FHIT: variants seen among roughly 807,000 people sequenced by gnomAD.
FHIT encodes bis(5'-adenosyl)-triphosphatase.
In FHIT, 19 loss-of-function variants were observed where a neutral mutation model predicts 17.9. The observed-to-expected ratio is 1.06, with a 90% confidence interval of 0.74 to 1.56. FHIT has a LOEUF of 1.56. Ranked by LOEUF, FHIT falls within the 40% of genes most tolerant of loss-of-function variation. FHIT has a pLI of 0.00. For missense variants in FHIT, 248 were observed against 189.2 expected (o/e 1.31, Z -1.82); for synonymous variants, 81 against 69.7 (o/e 1.16, Z -0.81).
At chr3:61,041,221 A>T (rs1328522147) in intron 3 of FHIT, among the ~76,000 whole-genome samples, 5 of 152,016 alleles carry the variant, frequency 3.3e-5, no homozygotes, top group African/African-American at 4.8e-5. Flanking sequence ...TCTACTAAAA[A>T]TACAAAAATT....
At chr3:60,381,693 A>C (rs1368238656) in intron 5 of FHIT, among the ~76,000 whole-genome samples, 1 of 152,190 alleles carries the variant, frequency 6.6e-6, no homozygotes, top group South Asian at 2.1e-4. Context: ...AGGCTTTCCT[A>C]CTTTAACTTT....
intron 4 of FHIT, among the ~76,000 whole-genome samples, chr3:60,703,645 A>C (rs540295119): frequency 9.3e-4 from 142 of 152,270 alleles, no homozygotes; most frequent in African/African-American, 3.1e-3. Context: ...TTTTGATATA[A>C]CATTTTGCTA....
At chr3:60,204,446 T>TG (rs1195043242) in intron 5 of FHIT, among the ~76,000 whole-genome samples, 12 of 104,076 alleles carry the variant, frequency 1.2e-4, no homozygotes, top group Admixed American at 8.1e-4. Flanking sequence ...ATATTCTGGT[T>TG]TTTTTTTTTT....
chr3:60,228,178 G>A (rs1166202921), intron 5 of FHIT, among the ~76,000 whole-genome samples: 1 of 152,134 alleles, frequency 6.6e-6, no homozygotes, highest in African/African-American at 2.4e-5. Flanking sequence ...ATTATTGGAA[G>A]GAGTATAAAG....
In FHIT at chr3:59,844,363, C is replaced by T. The variant is rs181717700; in HGVS notation, c.348+77983G>A. Reference sequence around the variant, plus strand: ...AAGTGGTGAAAATGGGCATACTTTCCTTGTTCTTGATCATAGAGGCAAATC... The same window carrying T: ...AAGTGGTGAAAATGGGCATACTTTCTTTGTTCTTGATCATAGAGGCAAATC... On this transcript the variant is annotated intron_variant, in intron 8 of 9. Transcript: ENST00000492590. 3.5e-4 allele frequency among the ~76,000 whole-genome samples: 53 copies of T among 152,188 alleles called. No individual in the cohort carries two copies. The East Asian group carries it at 9.3e-3, about 27-fold the overall frequency.
chr3:61,135,443 T>C (rs1054021951), intron 2 of FHIT, among the ~76,000 whole-genome samples: 27 of 152,216 alleles, frequency 1.8e-4, no homozygotes, highest in African/African-American at 4.1e-4. Context: ...CTGTATATAC[T>C]CATTAGTATT....
At chr3:60,023,959 A>G (rs1357998211) in intron 5 of FHIT, among the ~76,000 whole-genome samples, 1 of 151,356 alleles carries the variant, frequency 6.6e-6, no homozygotes, top group Admixed American at 6.6e-5. Flanking sequence ...ACTTACTTAA[A>G]TGTAAACCAT....
intron 3 of FHIT, among the ~76,000 whole-genome samples, chr3:60,870,271 AAAC>A (rs1207835858): frequency 6.6e-6 from 1 of 152,176 alleles, no homozygotes; most frequent in African/African-American, 2.4e-5. Context: ...AGAAAAAAAA[AAAC>A]AGGTCAGCAA....
At chr3:60,516,889 C>A (rs1351617129) in intron 5 of FHIT, among the ~76,000 whole-genome samples, 1 of 152,132 alleles carries the variant, frequency 6.6e-6, no homozygotes, top group Non-Finnish European at 1.5e-5. Flanking sequence ...ATAGGAGCTT[C>A]AGTAAATTGA....
intron 3 of FHIT, among the ~76,000 whole-genome samples, chr3:60,997,623 T>C (rs936123242): frequency 6.6e-6 from 1 of 152,172 alleles, no homozygotes; most frequent in African/African-American, 2.4e-5. Context: ...TTACCTGCTT[T>C]GTCCTCGTAT....
chr3:61,067,891 A>C (rs2034667529), intron 2 of FHIT, among the ~76,000 whole-genome samples: 1 of 152,194 alleles, frequency 6.6e-6, no homozygotes, highest in African/African-American at 2.4e-5. Flanking sequence ...CTGCAACAAA[A>C]GTAAGAAATG....
chr3:60,087,609 C>A (rs1042359456), intron 5 of FHIT, among the ~76,000 whole-genome samples: 1 of 152,168 alleles, frequency 6.6e-6, no homozygotes, highest in South Asian at 2.1e-4. Flanking sequence ...CCAGATACCC[C>A]ACCCTCATCA....
intron 5 of FHIT, among the ~76,000 whole-genome samples, chr3:60,217,449 C>T (rs1219265240): frequency 6.6e-6 from 1 of 152,310 alleles, no homozygotes; most frequent in East Asian, 1.9e-4. Context: ...GTTTCTTAAA[C>T]TGTTTTCCTA....
intron 4 of FHIT, among the ~76,000 whole-genome samples, chr3:60,741,273 T>C (rs2042235515): frequency 6.6e-6 from 1 of 152,208 alleles, no homozygotes; most frequent in African/African-American, 2.4e-5. Flanking sequence ...CAGCACCTAC[T>C]GTGTTGTGCC....
At chr3:60,867,598 C>A (rs1258589937) in intron 3 of FHIT, among the ~76,000 whole-genome samples, 1 of 152,164 alleles carries the variant, frequency 6.6e-6, no homozygotes, top group East Asian at 1.9e-4. Context: ...GAGACTCCTG[C>A]ACATCTCAGC....
At chr3:60,129,045 TTTTG>T (rs1208839497) in intron 5 of FHIT, among the ~76,000 whole-genome samples, 115 of 119,158 alleles carry the variant, frequency 9.7e-4, no homozygotes, top group African/African-American at 3.7e-3. Flanking sequence ...TTCTTTCCTT[TTTTG>T]TTTGTTTTTT....
At chr3:60,179,261 C>T (rs73097582) in intron 5 of FHIT, among the ~76,000 whole-genome samples, 27,498 of 152,206 alleles carry the variant, frequency 0.18, 3,146 homozygotes, top group East Asian at 0.31. Context: ...AGATGCCACA[C>T]AGCCCACTCA....
intron 2 of FHIT, among the ~76,000 whole-genome samples, chr3:61,104,055 A>G (rs529421293): frequency 6.6e-6 from 1 of 152,240 alleles, no homozygotes; most frequent in Admixed American, 6.5e-5. Flanking sequence ...TGGGGCATTT[A>G]GTCCATTTAC....
At chr3:61,097,384 T>C (rs1163993792) in intron 2 of FHIT, among the ~76,000 whole-genome samples, 1 of 152,206 alleles carries the variant, frequency 6.6e-6, no homozygotes, top group African/African-American at 2.4e-5. Context: ...TCTTTGCTAT[T>C]GTAAATACTG....
Sources: gnomAD v4.1 joint callset for allele counts (sites outside exome capture counted in the v4.1 genomes callset) on GRCh38, gnomAD v4.1.1 for gene constraint, MANE v1.5 for transcripts, NCBI Gene and HGNC (gene_info 2026-07-23, HGNC 2026-07-21) for gene names.